The following CHDH variants were observed in gnomAD, a reference collection of about 807,000 sequenced individuals.
CHDH encodes the protein choline dehydrogenase, mitochondrial.
A neutral mutation model predicts 56.9 loss-of-function variants in CHDH; 43 were observed. The ratio of observed to expected loss-of-function variants is 0.76; its 90% CI spans 0.59 to 0.97. The LOEUF (loss-of-function observed/expected upper bound fraction) is 0.97, where lower values mean the gene tolerates loss of function less well. CHDH is among the 50% of genes least tolerant of loss of function. The pLI is 0.00. For missense variants in CHDH, 816 were observed against 821.1 expected, an observed-to-expected ratio of 0.99 and a Z score of 0.08; for synonymous variants, 364 against 348.5, an observed-to-expected ratio of 1.04 and a Z score of -0.50.
chr3:53,819,677 G>T lies in CHDH; in HGVS notation c.1121-3C>A. 1 of 1,594,702 alleles carries T rather than the reference G, an allele frequency of 6.3e-7. No individual in the cohort carries two copies. Among genetic ancestry groups the T allele is most frequent in the South Asian group, 1.1e-5 (1 of 87,848 alleles). On this transcript the variant is annotated splice_region_variant and splice_polypyrimidine_tract_variant and intron_variant, in intron 6 of 8. Coordinates refer to ENST00000315251, the MANE Select transcript of CHDH (RefSeq NM_018397.5). This position sits in a 1 kb window ranked among gnomAD's most constrained non-coding sequence, Gnocchi z 5.4. ...CAGATGGGCAGTGGCTCCCTCCCCT[G>T]AGAAGCAGAAGAGGATGAGGCAGAA...
intron 2 of CHDH, among the ~76,000 whole-genome samples, chr3:53,837,954 G>A (rs931634438): frequency 6.7e-6 from 1 of 148,948 alleles, no homozygotes; most frequent in Non-Finnish European, 1.5e-5. Context: ...AGCTACTCGA[G>A]GCTTAGGCAA....
Position 53,819,396 on chromosome 3 carries a change from CAG to C in CHDH, c.1263+134_1263+135del. ...ACTGACACGCTGGGCAGCTGGAAGG[CAG>C]GGGACAGGCCTCTGTGTCCCCCACT... On this transcript the variant is annotated intron_variant, in intron 7 of 8. Coordinates refer to ENST00000315251, the MANE Select transcript of CHDH (RefSeq NM_018397.5). This position sits in a 1 kb window ranked among gnomAD's most constrained non-coding sequence, Gnocchi z 5.4. 1.7e-6 allele frequency: 2 copies of C among 1,172,338 alleles called. No homozygotes were observed. The highest frequency in any genetic ancestry group is 2.4e-6 in the Non-Finnish European group (2 of 827,356). 72.6% of individuals were successfully genotyped at this position (1,172,338 alleles called of 1,614,324 possible). A position where few individuals can be genotyped will look rare whatever the true frequency, so the allele number is the denominator to read the frequency against.
In CHDH at chr3:53,816,938, TG is replaced by T. The variant is rs1272151162; in HGVS notation, c.*838del. The T allele has an allele frequency of 6.7e-6, 1 of 148,832 alleles. No individual in the cohort carries two copies. Among genetic ancestry groups the T allele is most frequent in the Non-Finnish European group, 1.5e-5 (1 of 67,586 alleles). 9.2% of individuals were successfully genotyped at this position (148,832 alleles called of 1,614,324 possible). The stretch of plus-strand genomic sequence containing the variant: ...AGGGTTCACAGGAGCCTCAACCTCC[TG>T]GGCTAAAGCCATCCTCCCGCCTCAG... On this transcript the variant is annotated 3_prime_UTR_variant, in exon 9 of 9. Transcript: ENST00000315251.
chr3:53,822,285 A>C (rs2095628498), intron 4 of CHDH, among the ~76,000 whole-genome samples: 1 of 151,244 alleles, frequency 6.6e-6, no homozygotes, highest in African/African-American at 2.4e-5. Context: ...GGGCACTGAC[A>C]CCATAGGCCC....
rs1019472583 is a variant in CHDH at position 53,812,909 on chromosome 3, A to C, written c.*4868T>G. On this transcript the variant is annotated 3_prime_UTR_variant, in exon 9 of 9. Coordinates refer to ENST00000315251, the MANE Select transcript of CHDH (RefSeq NM_018397.5). The stretch of plus-strand genomic sequence containing the variant: ...TTTGAGGGCTTTTATATGCAATTGA[A>C]TGAGGGCTGAAGTTTTCATTAGAAT... The C allele has an allele frequency of 1.7e-5, 2 of 115,328 alleles. No individual in the cohort carries two copies. The highest frequency in any genetic ancestry group is 5.0e-5 in the African/African-American group (2 of 39,626). 7.1% of individuals were successfully genotyped at this position (115,328 alleles called of 1,614,324 possible).
chr3:53,824,512 C>T (rs1291333953), intron 2 of CHDH, among the ~76,000 whole-genome samples: 2 of 152,222 alleles, frequency 1.3e-5, no homozygotes, highest in Non-Finnish European at 2.9e-5. Flanking sequence ...AAGACATCTG[C>T]TCTCAAAACG....
chr3:53,835,139 C>A (rs987692091), intron 2 of CHDH, among the ~76,000 whole-genome samples: 2 of 152,194 alleles, frequency 1.3e-5, no homozygotes, highest in African/African-American at 4.8e-5. Flanking sequence ...CATAGAAAAA[C>A]AAGCACAAGG....
At position 53,817,967 on chromosome 3, in the gene CHDH, G is replaced by C; in HGVS notation, c.1595C>G (p.Thr532Arg). 1 of 1,614,208 alleles carries C rather than the reference G, an allele frequency of 6.2e-7. No homozygotes were observed. ...SDPTAVVDPQ[T>R]RVLGVENLRV... ...GAGGTTTTCCACCCCGAGGACCCTT[G>C]TCTGCGGATCCACCACGGCAGTGGG... The change falls in exon 9 of 9, where the codon ACA (threonine) becomes AGA (arginine). Residue 532 changes from threonine to arginine, a missense_variant. Thr to Arg is a moderately conservative substitution (Grantham distance 71). Transcript: ENST00000315251.
chr3:53,835,735 A>G (rs1032787910), intron 2 of CHDH, among the ~76,000 whole-genome samples: 6 of 152,306 alleles, frequency 3.9e-5, no homozygotes, highest in South Asian at 4.1e-4. Flanking sequence ...ACTGAGTTAT[A>G]TTAACAGGAG....
chr3:53,821,992 C>T (rs781220138), intron 4 of CHDH, among the ~76,000 whole-genome samples: 13 of 152,106 alleles, frequency 8.5e-5, no homozygotes, highest in Non-Finnish European at 1.8e-4. Context: ...ACAGTAGTGA[C>T]AGCCTTAGAA....
At chr3:53,824,193 G>A in intron 2 of CHDH, 126 bp from the exon 3 acceptor site, 1 of 545,794 alleles carries the variant, frequency 1.8e-6, no homozygotes, top group South Asian at 3.1e-5. Flanking sequence ...ACTAGGAGGA[G>A]GAAGTGAGGG....
In CHDH at chr3:53,823,419, G is replaced by T; in HGVS notation, c.590C>A (p.Pro197Gln). 2 of 1,592,180 alleles carry T rather than the reference G, an allele frequency of 1.3e-6. No homozygotes were observed. ...GGCCTCCAGGAATGCGCAGTGCAGCGGGTGGTTGGTCTTGCCCCGGGACAC... is the reference window on the plus strand; with the variant it reads ...GGCCTCCAGGAATGCGCAGTGCAGCTGGTGGTTGGTCTTGCCCCGGGACAC... ...LRVSRGKTNH[P>Q]LHCAFLEATQ... Residue 197 changes from proline to glutamine, a missense_variant, in exon 3 of 9, where the codon CCG becomes CAG. Coordinates refer to ENST00000315251, the MANE Select transcript of CHDH (RefSeq NM_018397.5).
intron 2 of CHDH, 75 bp from the exon 3 acceptor site, chr3:53,824,142 C>T: frequency 1.2e-6 from 1 of 800,194 alleles, no homozygotes. Flanking sequence ...CCTGCCGGGA[C>T]AGGGTGCAGC....
rs1445313678 is a variant in CHDH at position 53,819,539 on chromosome 3, G to T, written c.1256C>A (p.Ala419Asp). The stretch of plus-strand genomic sequence containing the variant: ...GCTCTTCCACCTGCTCACCTGGTAA[G>T]CCTCCTGCTGGGTGGGGACCCGCCC... ...DHGRVPTQQE[A>D]YQVHVGPMRG... The change falls in exon 7 of 9, where the codon GCT becomes GAT. Residue 419 changes from alanine (A) to aspartate (D), a missense_variant. Ala to Asp is a moderately radical substitution (Grantham distance 126, BLOSUM62 -2). Coordinates refer to ENST00000315251, the MANE Select transcript of CHDH (RefSeq NM_018397.5). The surrounding 1 kb of genome is among the most constrained non-coding windows in gnomAD (Gnocchi z 5.4). 1 of 1,609,248 alleles carries T rather than the reference G, an allele frequency of 6.2e-7. No homozygotes were observed. Among genetic ancestry groups the T allele is most frequent in the Non-Finnish European group, 8.5e-7 (1 of 1,177,564 alleles).
At position 53,823,849 on chromosome 3, in the gene CHDH, C is replaced by G; in HGVS notation, c.160G>C (p.Val54Leu). 2.5e-6 allele frequency: 4 copies of G among 1,586,050 alleles called. No individual in the cohort carries two copies. Among genetic ancestry groups the G allele is most frequent in the Non-Finnish European group, 3.4e-6 (4 of 1,174,246 alleles). The change falls in exon 3 of 9, where the codon GTG becomes CTG. Residue 54 changes from valine (V) to leucine (L), a missense_variant. Val to Leu is a conservative substitution (Grantham distance 32, BLOSUM62 1). Coordinates refer to ENST00000315251, the MANE Select transcript of CHDH (RefSeq NM_018397.5). ...TCCTCCGTGAGCCTCCCAGCCAGCA[C>G]GCAGCCCGCCGAGCCCGCGCCCACC... ...VVVGAGSAGCVLAGRLTEDPA... is the reference protein window; with the variant it reads ...VVVGAGSAGCLLAGRLTEDPA...
chr3:53,837,175 T>G (rs770291813), intron 2 of CHDH, among the ~76,000 whole-genome samples: 1 of 151,624 alleles, frequency 6.6e-6, no homozygotes, highest in Admixed American at 6.6e-5. Flanking sequence ...GCATGGGCAA[T>G]AGAGCAAGAC....
chr3:53,819,674 CCT>C lies in CHDH; in HGVS notation c.1121-2_1121-1del. 6.3e-7 allele frequency: 1 copy of C among 1,596,494 alleles called. No homozygotes were observed. The highest frequency in any genetic ancestry group is 8.5e-7 in the Non-Finnish European group (1 of 1,171,078). On this transcript the variant is annotated splice_acceptor_variant, in intron 6 of 8. Transcript: ENST00000315251. LOFTEE classifies it high-confidence loss of function. This position sits in a 1 kb window ranked among gnomAD's most constrained non-coding sequence, Gnocchi z 5.4. ...TTCCAGATGGGCAGTGGCTCCCTCC[CCT>C]GAGAAGCAGAAGAGGATGAGGCAGA...
Position 53,823,468 on chromosome 3 carries a change from G to C in CHDH, c.541C>G (p.Arg181Gly). ...QGHELGASRY[R>G]GADGPLRVSR... ...ACCCGCAGCGGGCCATCGGCGCCCC[G>C]GTACCGGCTGGCGCCCAGCTCGTGG... The change falls in exon 3 of 9, where the codon CGG (arginine) becomes GGG (glycine). Residue 181 changes from arginine to glycine, a missense_variant. Arg to Gly is a moderately radical substitution (Grantham distance 125). Coordinates refer to ENST00000315251, the MANE Select transcript of CHDH (RefSeq NM_018397.5). 6.4e-7 allele frequency: 1 copy of C among 1,551,314 alleles called. No individual in the cohort carries two copies. The highest frequency in any genetic ancestry group is 8.7e-7 in the Non-Finnish European group (1 of 1,148,904).
At chr3:53,821,529 A>G in intron 5 of CHDH, 118 bp downstream of exon 5, 3 of 888,572 alleles carry the variant, frequency 3.4e-6, no homozygotes, top group Non-Finnish European at 5.3e-6. Context: ...GGACAATGTG[A>G]TAGTTCCAAG....
Sources: gnomAD v4.1 joint callset for allele counts (sites outside exome capture counted in the v4.1 genomes callset) on GRCh38, gnomAD v4.1.1 for gene constraint, Gnocchi (gnomAD v3.1) non-coding constraint, MANE v1.5 for transcripts, NCBI Gene and HGNC (gene_info 2026-07-23, HGNC 2026-07-21) for gene names.